Variants in ASAP2 observed in about 807,000 individuals in gnomAD.
The protein encoded by ASAP2 is arf-GAP with SH3 domain, ANK repeat and PH domain-containing protein 2.
Under a neutral mutation model 131.4 loss-of-function variants are expected in ASAP2, and 45 were observed. The ratio of observed to expected loss-of-function variants is 0.34; its 90% CI spans 0.27 to 0.44. The LOEUF (loss-of-function observed/expected upper bound fraction) is 0.44, where lower values mean the gene tolerates loss of function less well. Ranked by LOEUF, ASAP2 falls within the 20% of genes least tolerant of loss-of-function variation. The pLI is 1.00. For synonymous variants in ASAP2, 510 were observed against 503.0 expected, an observed-to-expected ratio of 1.01 and a Z score of -0.19; for missense variants, 1,011 against 1,297.0, an observed-to-expected ratio of 0.78 and a Z score of 3.39.
chr2:9,253,687 T>C (rs1305442760), intron 1 of ASAP2, among the ~76,000 whole-genome samples: 2 of 152,178 alleles, frequency 1.3e-5, no homozygotes, highest in Non-Finnish European at 2.9e-5. Context: ...TTGTGTATGA[T>C]TGCTTTTGCT....
At chr2:9,322,536 C>G (rs1460419229) in intron 5 of ASAP2, among the ~76,000 whole-genome samples, 3 of 150,652 alleles carry the variant, frequency 2.0e-5, no homozygotes, top group Non-Finnish European at 4.4e-5. Flanking sequence ...GGTGGCTCTT[C>G]TTTGGATGTG....
At chr2:9,270,224 G>C (rs1403577300) in intron 1 of ASAP2, among the ~76,000 whole-genome samples, 1 of 152,092 alleles carries the variant, frequency 6.6e-6, no homozygotes, top group Admixed American at 6.5e-5. Flanking sequence ...TTCGGTTCTT[G>C]CCTTTGTTTG....
chr2:9,226,904 T>C (rs575633466), intron 1 of ASAP2, among the ~76,000 whole-genome samples: 18 of 152,234 alleles, frequency 1.2e-4, no homozygotes, highest in African/African-American at 4.3e-4. Context: ...TCAGGAGGCA[T>C]TCCCTTCTCC....
chr2:9,233,010 A>G (rs1268129919), intron 1 of ASAP2, among the ~76,000 whole-genome samples: 1 of 152,182 alleles, frequency 6.6e-6, no homozygotes, highest in Non-Finnish European at 1.5e-5. Context: ...ATTATTTCCA[A>G]ATTGCTGCCT....
At chr2:9,270,812 AG>A (rs1666316565) in intron 1 of ASAP2, among the ~76,000 whole-genome samples, 1 of 30,372 alleles carries the variant, frequency 3.3e-5, no homozygotes, top group Non-Finnish European at 6.1e-5. Context: ...TTTTTTTTTG[AG>A]ACGGAGTCTC....
At chr2:9,356,015 G>T in intron 12 of ASAP2, 32 bp from the exon 13 acceptor site, 2 of 1,612,468 alleles carry the variant, frequency 1.2e-6, no homozygotes, top group Non-Finnish European at 1.7e-6. Context: ...TTGCTGTCTG[G>T]GCTCACAGTT....
At chr2:9,365,786 C>G (rs1673426447) in intron 15 of ASAP2, among the ~76,000 whole-genome samples, 1 of 152,164 alleles carries the variant, frequency 6.6e-6, no homozygotes, top group Admixed American at 6.5e-5. Flanking sequence ...TCATCGCTAC[C>G]TTGTTGAAGT....
At chr2:9,307,177 A>G (rs1455662660) in intron 3 of ASAP2, among the ~76,000 whole-genome samples, 1 of 152,098 alleles carries the variant, frequency 6.6e-6, no homozygotes, top group Admixed American at 6.5e-5. Flanking sequence ...GGCTTGTTAG[A>G]CCACACCTGT....
At chr2:9,262,779 A>G (rs1036512774) in intron 1 of ASAP2, among the ~76,000 whole-genome samples, 11 of 152,210 alleles carry the variant, frequency 7.2e-5, no homozygotes, top group Admixed American at 1.3e-4. Context: ...TGGCATGCCG[A>G]CTGGGACAGA....
At chr2:9,391,251 C>T (rs1357570587) in intron 23 of ASAP2, 55 bp downstream of exon 23, 21 of 1,565,234 alleles carry the variant, frequency 1.3e-5, no homozygotes, top group African/African-American at 6.8e-5. Context: ...ATCTGGATGG[C>T]GGGGGGTGCT....
At chr2:9,238,661 G>A (rs911330200) in intron 1 of ASAP2, among the ~76,000 whole-genome samples, 2 of 152,136 alleles carry the variant, frequency 1.3e-5, no homozygotes, top group African/African-American at 2.4e-5. Context: ...GGAGTAATAA[G>A]GTGTTTGTTT....
At chr2:9,327,442 C>T (rs1412684966) in intron 6 of ASAP2, among the ~76,000 whole-genome samples, 1 of 152,126 alleles carries the variant, frequency 6.6e-6, no homozygotes, top group African/African-American at 2.4e-5. Context: ...ATCTCAGCTA[C>T]AATACGTTAG....
rs375756515 is a variant in ASAP2 at position 9,392,930 on chromosome 2, C to T, written c.2519-552C>T. ...ACCCTTGACGAGAGCTCTTCCCCTC[C>T]GTGGGCCTCAGCCTCCTTGTCTGTA... On this transcript the variant is annotated intron_variant, in intron 23 of 27. Transcript: ENST00000281419. The surrounding 1 kb of genome is among the most constrained non-coding windows in gnomAD (Gnocchi z 4.0). Among the ~76,000 whole-genome samples, 28 of 152,330 alleles carry T rather than the reference C, an allele frequency of 1.8e-4. No homozygotes were observed. In the East Asian group the frequency reaches 4.6e-3, roughly 25 times the overall value.
At chr2:9,251,637 G>T (rs1226846916) in intron 1 of ASAP2, among the ~76,000 whole-genome samples, 1 of 152,124 alleles carries the variant, frequency 6.6e-6, no homozygotes, top group Non-Finnish European at 1.5e-5. Flanking sequence ...TGGGAGAAGG[G>T]GAAGGGAGCA....
chr2:9,310,136 G>T (rs948388318), intron 3 of ASAP2, among the ~76,000 whole-genome samples: 5 of 152,224 alleles, frequency 3.3e-5, no homozygotes, highest in African/African-American at 1.2e-4. Flanking sequence ...TGTGCAGAAG[G>T]TGAATAGGTG....
chr2:9,380,815 C>A lies in ASAP2; in HGVS notation c.2016+7C>A, dbSNP rs1204688650. The A allele has an allele frequency of 6.2e-7, 1 of 1,613,590 alleles. No homozygotes were observed. Among genetic ancestry groups the A allele is most frequent in the Non-Finnish European group, 8.5e-7 (1 of 1,179,850 alleles). ...CGAGCACTGTGAGGAGCTGGTGAGT[C>A]TCCCACCACAAGGACGGGGTGGGGC... On this transcript the variant is annotated splice_region_variant and intron_variant, in intron 20 of 27. Coordinates refer to ENST00000281419, the MANE Select transcript of ASAP2 (RefSeq NM_003887.3).
chr2:9,354,730 T>C (rs1672582605), intron 12 of ASAP2, among the ~76,000 whole-genome samples: 1 of 152,158 alleles, frequency 6.6e-6, no homozygotes, highest in Non-Finnish European at 1.5e-5. Flanking sequence ...CAAGTTCTGC[T>C]GCTGGCTATG....
chr2:9,336,503 G>T (rs934398540), intron 9 of ASAP2, among the ~76,000 whole-genome samples: 40 of 152,154 alleles, frequency 2.6e-4, no homozygotes, highest in African/African-American at 9.7e-4. Context: ...CTTTTCACCA[G>T]CTGGACCTCG....
At chr2:9,271,042 C>T (rs1229808720) in intron 1 of ASAP2, among the ~76,000 whole-genome samples, 1 of 151,946 alleles carries the variant, frequency 6.6e-6, no homozygotes, top group African/African-American at 2.4e-5. Flanking sequence ...ATCCACCTGC[C>T]TCGGCCTCCC....
Sources: gnomAD v4.1 joint callset for allele counts (sites outside exome capture counted in the v4.1 genomes callset) on GRCh38, gnomAD v4.1.1 for gene constraint, Gnocchi (gnomAD v3.1) non-coding constraint, MANE v1.5 for transcripts, NCBI Gene and HGNC (gene_info 2026-07-23, HGNC 2026-07-21) for gene names.